Variants in ZNF707 observed in about 807,000 individuals in gnomAD.
ZNF707 encodes zinc finger protein 707.
In ZNF707, 8 loss-of-function variants were observed where a neutral mutation model predicts 13.3. The ratio of observed to expected loss-of-function variants is 0.60; its 90% CI spans 0.35 to 1.09. The LOEUF (loss-of-function observed/expected upper bound fraction) is 1.09, where lower values mean the gene tolerates loss of function less well. Among genes scored for constraint, ZNF707 ranks in the 50% least tolerant of loss-of-function variants. The pLI is 0.02. For missense variants in ZNF707, 530 were observed against 512.6 expected, an observed-to-expected ratio of 1.03 and a Z score of -0.33; for synonymous variants, 225 against 205.6, an observed-to-expected ratio of 1.09 and a Z score of -0.81.
At chr8:143,691,388 C>T (rs537429260) in intron 4 of ZNF707, 189 bp downstream of exon 4, 64 of 1,129,316 alleles carry the variant, frequency 5.7e-5, no homozygotes, top group African/African-American at 5.2e-4. Context: ...CTGGAGGCAG[C>T]CTCATCTTCC....
intron 3 of ZNF707, 120 bp from the exon 4 acceptor site, chr8:143,690,953 A>C: frequency 1.5e-6 from 2 of 1,293,498 alleles, no homozygotes; most frequent in Non-Finnish European, 2.1e-6. Flanking sequence ...GAATGGATTT[A>C]GGGGACACAA....
Position 143,694,571 on chromosome 8 carries a change from C to T in ZNF707, c.*41C>T, listed in dbSNP as rs115859646. ...GGGGTGCTGCGCCTCTGCGGGAGTA[C>T]TGGGTCCTGAGGGAGAGCTGCAGTG... On this transcript the variant is annotated 3_prime_UTR_variant, in exon 6 of 6. Coordinates refer to ENST00000358656, the MANE Select transcript of ZNF707 (RefSeq NM_001100598.2). The surrounding 1 kb of genome is among the most constrained non-coding windows in gnomAD (Gnocchi z 4.4). The T allele has an allele frequency of 2.3e-3, 3,454 of 1,534,874 alleles. 74 individuals carry two copies. The African/African-American group carries it at 0.043, about 19-fold the overall frequency.
intron 5 of ZNF707, among the ~76,000 whole-genome samples, chr8:143,692,499 C>T (rs1329538741): frequency 1.1e-5 from 1 of 87,240 alleles, no homozygotes; most frequent in Admixed American, 1.1e-4. Flanking sequence ...GTGTGTGGAG[C>T]CCCCGGCTGG....
chr8:143,690,957 G>C lies in ZNF707; in HGVS notation c.16-116G>C. On this transcript the variant is annotated intron_variant, in intron 3 of 5. Coordinates refer to ENST00000358656, the MANE Select transcript of ZNF707 (RefSeq NM_001100598.2). ...TGGGCTTCAGTGAATGGATTTAGGG[G>C]ACACAAACAATCAGTCCACCGCAGG... 3 of 1,332,472 alleles carry C rather than the reference G, an allele frequency of 2.3e-6. No individual in the cohort carries two copies. The South Asian group carries it at 4.4e-5, about 19-fold the overall frequency. 82.5% of individuals were successfully genotyped at this position (1,332,472 alleles called of 1,614,324 possible). A position where few individuals can be genotyped will look rare whatever the true frequency, so the allele number is the denominator to read the frequency against.
Position 143,694,235 on chromosome 8 carries a change from A to T in ZNF707, c.821A>T (p.Asn274Ile). The T allele has an allele frequency of 6.3e-7, 1 of 1,587,682 alleles. No homozygotes were observed. Among genetic ancestry groups the T allele is most frequent in the Non-Finnish European group, 8.6e-7 (1 of 1,167,158 alleles). The change falls in exon 6 of 6, where the codon AAC becomes ATC. Residue 274 changes from asparagine (N) to isoleucine (I), a missense_variant. By Grantham distance (149) the Asn-to-Ile change is moderately radical (BLOSUM62 -3). Transcript: ENST00000358656. The surrounding 1 kb of genome is among the most constrained non-coding windows in gnomAD (Gnocchi z 4.4). ...DCGKAFKQKS[N>I]LLRHQLVHTG... ...GGGAAAGCCTTCAAGCAGAAGTCCA[A>T]CCTTCTCAGACACCAGCTGGTGCAC...
At chr8:143,689,736 C>T (rs1816629934) in intron 2 of ZNF707, among the ~76,000 whole-genome samples, 1 of 152,224 alleles carries the variant, frequency 6.6e-6, no homozygotes, top group Non-Finnish European at 1.5e-5. Context: ...GTGTTTGCAG[C>T]TAAGCTGTTG....
In ZNF707 at chr8:143,694,739, G is replaced by A. The variant is rs545336867; in HGVS notation, c.*209G>A. On this transcript the variant is annotated 3_prime_UTR_variant, in exon 6 of 6. Coordinates refer to ENST00000358656, the MANE Select transcript of ZNF707 (RefSeq NM_001100598.2). This position sits in a 1 kb window ranked among gnomAD's most constrained non-coding sequence, Gnocchi z 4.4. ...GCCATGGGTACGCCGGAGATGGCGG[G>A]GGCTCTGGAGATGGCGGGGGCTGCG... is the stretch of plus-strand genomic sequence containing the variant. The A allele has an allele frequency of 1.7e-6, 1 of 581,352 alleles. No homozygotes were observed. Among genetic ancestry groups the A allele is most frequent in the East Asian group, 3.0e-5 (1 of 33,088 alleles). The allele number at this position is 581,352 out of a possible 1,614,324, so 36.0% of individuals were successfully genotyped here.
chr8:143,691,861 G>T, intron 5 of ZNF707, 148 bp downstream of exon 5: 1 of 955,518 alleles, frequency 1.0e-6, no homozygotes. Context: ...ACAGGCATTA[G>T]AGACGTAGGG....
In ZNF707 at chr8:143,693,024, G is replaced by C. The variant is rs1816976643; in HGVS notation, c.257-647G>C. 6.6e-6 allele frequency among the ~76,000 whole-genome samples: 1 copy of C among 152,158 alleles called. No individual in the cohort carries two copies. Among genetic ancestry groups the C allele is most frequent in the African/African-American group, 2.4e-5 (1 of 41,438 alleles). ...TGAGTGGGGCCTGCTGGCGTGGACA[G>C]GGTGAAAGGACATTCTCTTGGCCCA... On this transcript the variant is annotated intron_variant, in intron 5 of 5. Coordinates refer to ENST00000358656, the MANE Select transcript of ZNF707 (RefSeq NM_001100598.2). The surrounding 1 kb of genome is among the most constrained non-coding windows in gnomAD (Gnocchi z 4.1).
At position 143,693,307 on chromosome 8, in the gene ZNF707, G is replaced by T. The variant is rs1336921794; in HGVS notation, c.257-364G>T. ...GCTTTTTTTTTTTTTTTGAGACGGA[G>T]TCTCGCTCTGTCGCCCAGGCTGGAC... On this transcript the variant is annotated intron_variant, in intron 5 of 5. Transcript: ENST00000358656. The surrounding 1 kb of genome is among the most constrained non-coding windows in gnomAD (Gnocchi z 4.1). Among the ~76,000 whole-genome samples, 3 of 150,712 alleles carry T rather than the reference G, an allele frequency of 2.0e-5. No individual in the cohort carries two copies. The highest frequency in any genetic ancestry group is 1.3e-4 in the Admixed American group (2 of 15,178).
At position 143,691,424 on chromosome 8, in the gene ZNF707, C is replaced by T. The variant is rs371050957; in HGVS notation, c.143-176C>T. 2.3e-3 allele frequency: 2,357 copies of T among 1,037,506 alleles called. 60 individuals carry two copies. In the South Asian group the frequency reaches 0.037, roughly 16 times the overall value. The allele number at this position is 1,037,506 out of a possible 1,614,324, so 64.3% of individuals were successfully genotyped here. ...TTCCTCTGACCTTGCCAGGGCCTTC[C>T]GTGGGCCTTGGTGTCCAGGCCCCTC... is the stretch of plus-strand genomic sequence containing the variant. On this transcript the variant is annotated intron_variant, in intron 4 of 5. Coordinates refer to ENST00000358656, the MANE Select transcript of ZNF707 (RefSeq NM_001100598.2).
rs782555507 is a variant in ZNF707 at position 143,693,861 on chromosome 8, G to C, written c.447G>C (p.Pro149=). The C allele has an allele frequency of 4.2e-5, 68 of 1,610,146 alleles. 1 individual carries two copies. The East Asian group carries it at 1.5e-3, about 35-fold the overall frequency. ...CAGACGCCAAGCCCACGGCTTTCCCGTGTCAGGTGCTCACGCAGCGTTGTG... is the reference window on the plus strand; with the variant it reads ...CAGACGCCAAGCCCACGGCTTTCCCCTGTCAGGTGCTCACGCAGCGTTGTG... ...ERTDAKPTAF[P]CQVLTQRCGR... Residue 149 remains proline (P), a synonymous_variant, in exon 6 of 6, where the codon CCG becomes CCC. Transcript: ENST00000358656. This position sits in a 1 kb window ranked among gnomAD's most constrained non-coding sequence, Gnocchi z 4.1.
chr8:143,691,486 G>A, intron 4 of ZNF707, 114 bp from the exon 5 acceptor site: 1 of 1,236,362 alleles, frequency 8.1e-7, no homozygotes. Context: ...GGCTTCTCCA[G>A]GGCCTCCCGA....
Position 143,692,503 on chromosome 8 carries a change from CGGCT to C in ZNF707, c.256+793_256+796del, listed in dbSNP as rs1816922259. 2.1e-5 allele frequency among the ~76,000 whole-genome samples: 2 copies of C among 94,528 alleles called. 1 individual carries two copies. The highest frequency in any genetic ancestry group is 0.012 in the Middle Eastern group (2 of 166). The allele number at this position is 94,528 out of a possible 152,430, so 62.0% of individuals were successfully genotyped here. A position where few individuals can be genotyped will look rare whatever the true frequency, so the allele number is the denominator to read the frequency against. On this transcript the variant is annotated intron_variant, in intron 5 of 5. Coordinates refer to ENST00000358656, the MANE Select transcript of ZNF707 (RefSeq NM_001100598.2). ...CGGATCCCCGGGTGTGTGGAGCCCC[CGGCT>C]GGGGAGGTGTCGGATCCCCGGGTGT...
At chr8:143,686,844 A>AT (rs1481444616) in intron 1 of ZNF707, 2 of 145,776 alleles carry the variant, frequency 1.4e-5, no homozygotes, top group African/African-American at 5.1e-5. Flanking sequence ...GTAAACAAAA[A>AT]TTTTTAATTC....
rs370290602 is a variant in ZNF707, at chr8:143,694,808, A to G, written c.*278A>G. On this transcript the variant is annotated 3_prime_UTR_variant, in exon 6 of 6. Transcript: ENST00000358656. The surrounding 1 kb of genome is among the most constrained non-coding windows in gnomAD (Gnocchi z 4.4). ...TGGGGATGTGCTGAGAGTGTGCGCG[A>G]CCCCGGAGCCACGTGCCAGGCCGGG... 2.7e-5 allele frequency: 10 copies of G among 373,578 alleles called. No homozygotes were observed. The highest frequency in any genetic ancestry group is 1.2e-4 in the East Asian group (3 of 24,416). The allele number at this position is 373,578 out of a possible 1,614,324, so 23.1% of individuals were successfully genotyped here.
At chr8:143,690,771 C>G in intron 3 of ZNF707, 2 of 389,088 alleles carry the variant, frequency 5.1e-6, no homozygotes, top group Non-Finnish European at 9.2e-6. Flanking sequence ...GTGGGGGCCA[C>G]TATTGTGCTG....
chr8:143,685,572 G>A (rs1816186295), intron 1 of ZNF707, among the ~76,000 whole-genome samples: 1 of 150,470 alleles, frequency 6.6e-6, no homozygotes, highest in Admixed American at 6.7e-5. Context: ...GGATGCTGTG[G>A]CTGACGCCTG....
chr8:143,694,570 A>G lies in ZNF707; in HGVS notation c.*40A>G. 1.3e-6 allele frequency: 2 copies of G among 1,536,126 alleles called. No homozygotes were observed. The highest frequency in any genetic ancestry group is 1.4e-5 in the African/African-American group (1 of 73,136). On this transcript the variant is annotated 3_prime_UTR_variant, in exon 6 of 6. Transcript: ENST00000358656. This position sits in a 1 kb window ranked among gnomAD's most constrained non-coding sequence, Gnocchi z 4.4. ...TGGGGTGCTGCGCCTCTGCGGGAGT[A>G]CTGGGTCCTGAGGGAGAGCTGCAGT...
Sources: allele counts gnomAD v4.1 joint callset (sites outside exome capture counted in the v4.1 genomes callset), GRCh38; gene constraint gnomAD v4.1.1; non-coding constraint Gnocchi (gnomAD v3.1); transcripts MANE v1.5; gene names NCBI Gene and HGNC (gene_info 2026-07-23, HGNC 2026-07-21).